Variants in GPR161 observed in about 807,000 individuals in gnomAD.
The protein encoded by GPR161 is G-protein coupled receptor RE2.
Under a neutral mutation model 39.2 loss-of-function variants are expected in GPR161, and 25 were observed. The ratio of observed to expected loss-of-function variants is 0.64; its 90% CI spans 0.47 to 0.89. GPR161 has a LOEUF of 0.89. Ranked by LOEUF, GPR161 falls within the 40% of genes least tolerant of loss-of-function variation. The probability of loss-of-function intolerance (pLI) is 0.00; values close to 1 mark genes in which losing one functional copy is unlikely to be tolerated. For synonymous variants in GPR161, 286 were observed against 276.6 expected (o/e 1.03, Z -0.34); for missense variants, 547 against 677.8 (o/e 0.81, Z 2.14).
chr1:168,100,445 G>A (rs1395992981), intron 2 of GPR161, among the ~76,000 whole-genome samples: 2 of 152,128 alleles, frequency 1.3e-5, no homozygotes. Flanking sequence ...TCTCTTAACT[G>A]TCTTGAGGCT....
chr1:168,135,192 G>A (rs1699271577), intron 1 of GPR161, among the ~76,000 whole-genome samples: 3 of 152,208 alleles, frequency 2.0e-5, no homozygotes, highest in Admixed American at 1.3e-4. Context: ...TCACCTGTGT[G>A]CCATCAGGAA....
chr1:168,086,079 ATTCT>A (rs1694467341), intron 5 of GPR161, among the ~76,000 whole-genome samples: 1 of 152,238 alleles, frequency 6.6e-6, no homozygotes, highest in Admixed American at 6.5e-5. Context: ...AAAGGAGATA[ATTCT>A]TTCTAAGATG....
At chr1:168,087,092 T>C (rs150549717) in intron 5 of GPR161, among the ~76,000 whole-genome samples, 2 of 152,092 alleles carry the variant, frequency 1.3e-5, no homozygotes, top group East Asian at 1.9e-4. Context: ...GGGGAAGATA[T>C]AGAGTAGAAA....
In GPR161 at chr1:168,085,012, C is replaced by T. The variant is rs367867487; in HGVS notation, c.*519G>A. ...ACCAGTCCTAGAACTGAGGGTCCCA[C>T]ACTGCCCGCATCAACCATGTAGAGG... is the stretch of plus-strand genomic sequence containing the variant. On this transcript the variant is annotated 3_prime_UTR_variant, in exon 6 of 6. Coordinates refer to ENST00000682931, the MANE Select transcript of GPR161 (RefSeq NM_001375883.1). 4.4e-6 allele frequency: 2 copies of T among 456,346 alleles called. No homozygotes were observed. The highest frequency in any genetic ancestry group is 8.8e-6 in the Non-Finnish European group (2 of 227,052). 28.3% of individuals were successfully genotyped at this position (456,346 alleles called of 1,614,324 possible).
At position 168,096,500 on chromosome 1, in the gene GPR161, C is replaced by G. The variant is rs141134420; in HGVS notation, c.1099+8G>C. 487 of 1,610,644 alleles carry G rather than the reference C, an allele frequency of 3.0e-4. 5 individuals are homozygous for G. The highest frequency in any genetic ancestry group is 2.7e-3 in the South Asian group (248 of 90,294). Reference sequence around the variant, plus strand: ...TCGGAGGGGCTATCCTAACAATGCCCAAGTTACCTGTGATCCTGTTGGAAA... The same window carrying G: ...TCGGAGGGGCTATCCTAACAATGCCGAAGTTACCTGTGATCCTGTTGGAAA... On this transcript the variant is annotated splice_region_variant and intron_variant, in intron 3 of 5. Transcript: ENST00000682931.
In GPR161 at chr1:168,108,361, A is replaced by G. The variant is rs531193152; in HGVS notation, c.-44-3467T>C. Among the ~76,000 whole-genome samples, 10 of 151,900 alleles carry G rather than the reference A, an allele frequency of 6.6e-5. No homozygotes were observed. In the South Asian group the frequency reaches 2.1e-3, roughly 32 times the overall value. On this transcript the variant is annotated intron_variant, in intron 1 of 5. Coordinates refer to ENST00000682931, the MANE Select transcript of GPR161 (RefSeq NM_001375883.1). ...GAGACTTGGCGGGGCCCCCAAAACC[A>G]TATCCAAACCATTGCACACCCTTGG...
In GPR161 at chr1:168,083,030, C is replaced by G. The variant is rs1437593110; in HGVS notation, c.*2501G>C. 1.3e-5 allele frequency: 2 copies of G among 152,188 alleles called. No individual in the cohort carries two copies. Among genetic ancestry groups the G allele is most frequent in the African/African-American group, 4.8e-5 (2 of 41,442 alleles). The allele number at this position is 152,188 out of a possible 1,614,324, so 9.4% of individuals were successfully genotyped here. A position where few individuals can be genotyped will look rare whatever the true frequency, so the allele number is the denominator to read the frequency against. On this transcript the variant is annotated 3_prime_UTR_variant, in exon 6 of 6. Transcript: ENST00000682931. Reference sequence around the variant, plus strand: ...ACTTACCTCATGGAGCCATCCCTAACTCCATATTTGGAAATACCCACCTCC... The same window carrying G: ...ACTTACCTCATGGAGCCATCCCTAAGTCCATATTTGGAAATACCCACCTCC...
At chr1:168,103,903 G>A (rs924392408) in intron 2 of GPR161, among the ~76,000 whole-genome samples, 14 of 152,238 alleles carry the variant, frequency 9.2e-5, no homozygotes, top group Non-Finnish European at 2.1e-4. Context: ...ATGCTGCTTA[G>A]GAACATCAGC....
intron 1 of GPR161, chr1:168,136,431 G>A: frequency 5.9e-6 from 8 of 1,354,412 alleles, no homozygotes; most frequent in Non-Finnish European, 6.7e-6. Flanking sequence ...GGCGGCGCCG[G>A]AGAAACGGGG....
At chr1:168,103,549 G>A (rs1558109320) in intron 2 of GPR161, among the ~76,000 whole-genome samples, 2 of 152,078 alleles carry the variant, frequency 1.3e-5, no homozygotes, top group Admixed American at 6.5e-5. Context: ...TGCAGTCTGT[G>A]CTCCCAGTGG....
Position 168,085,013 on chromosome 1 carries a change from A to T in GPR161, c.*518T>A. The T allele has an allele frequency of 2.2e-6, 1 of 456,356 alleles. No homozygotes were observed. The highest frequency in any genetic ancestry group is 4.4e-6 in the Non-Finnish European group (1 of 227,042). 28.3% of individuals were successfully genotyped at this position (456,356 alleles called of 1,614,324 possible). On this transcript the variant is annotated 3_prime_UTR_variant, in exon 6 of 6. Transcript: ENST00000682931. ...CCAGTCCTAGAACTGAGGGTCCCAC[A>T]CTGCCCGCATCAACCATGTAGAGGC...
chr1:168,095,283 GACAA>G (rs1695420343), intron 3 of GPR161, among the ~76,000 whole-genome samples: 2 of 152,326 alleles, frequency 1.3e-5, no homozygotes, highest in South Asian at 4.1e-4. Context: ...TGGATCTTTG[GACAA>G]ACAAAGGACA....
chr1:168,132,634 G>A (rs113476000), intron 1 of GPR161, among the ~76,000 whole-genome samples: 5,334 of 151,892 alleles, frequency 0.035, 300 homozygotes, highest in African/African-American at 0.12. Context: ...GATCTAGATT[G>A]AACTTTTTTA....
At chr1:168,137,247 G>T, upstream of GPR161, 1 of 1,486,644 alleles carries the variant, frequency 6.7e-7, no homozygotes, top group African/African-American at 1.4e-5. Flanking sequence ...CTCCGCCCCA[G>T]TTCCAGCCGC....
At chr1:168,125,759 A>G (rs1440076496) in intron 1 of GPR161, among the ~76,000 whole-genome samples, 3 of 152,066 alleles carry the variant, frequency 2.0e-5, no homozygotes. Context: ...CCAGGACTAC[A>G]GGCACCCGCC....
At chr1:168,093,198 G>A (rs1418804526) in intron 3 of GPR161, among the ~76,000 whole-genome samples, 1 of 152,166 alleles carries the variant, frequency 6.6e-6, no homozygotes, top group Non-Finnish European at 1.5e-5. Flanking sequence ...GTGGTGCTGC[G>A]TGGCAACCTC....
intron 1 of GPR161, among the ~76,000 whole-genome samples, chr1:168,132,656 A>G (rs978944025): frequency 3.9e-5 from 6 of 152,144 alleles, no homozygotes; most frequent in African/African-American, 1.4e-4. Context: ...TGCCCTATGT[A>G]GAACAGAGCA....
intron 1 of GPR161, chr1:168,134,902 G>GTAC: frequency 6.5e-7 from 1 of 1,535,392 alleles, no homozygotes; most frequent in Non-Finnish European, 8.7e-7. Flanking sequence ...CCACAGAACT[G>GTAC]TACCTCCTCT....
intron 1 of GPR161, among the ~76,000 whole-genome samples, chr1:168,125,742 T>G (rs562861601): frequency 1.3e-5 from 2 of 151,710 alleles, no homozygotes; most frequent in South Asian, 4.2e-4. Flanking sequence ...CTCAGCCTCC[T>G]GAGTAGCCAG....
Sources: gnomAD v4.1 joint callset for allele counts (sites outside exome capture counted in the v4.1 genomes callset) on GRCh38, gnomAD v4.1.1 for gene constraint, MANE v1.5 for transcripts, NCBI Gene and HGNC (gene_info 2026-07-23, HGNC 2026-07-21) for gene names.